The following ANKMY1 variants were observed in gnomAD, a reference collection of about 807,000 sequenced individuals.
The protein encoded by ANKMY1 is ankyrin repeat and MYND domain containing 1, also known as ankyrin repeat and MYND domain-containing protein 1.
A neutral mutation model predicts 102.0 loss-of-function variants in ANKMY1; 98 were observed. That is an observed-to-expected ratio of 0.96 (90% CI 0.82 to 1.14). ANKMY1 has a LOEUF of 1.14. ANKMY1 is among the 50% of genes most tolerant of loss of function. The probability of loss-of-function intolerance (pLI) is 0.00; values close to 1 mark genes in which losing one functional copy is unlikely to be tolerated. For missense variants in ANKMY1, 1,330 were observed against 1,347.6 expected, an observed-to-expected ratio of 0.99 and a Z score of 0.20; for synonymous variants, 582 against 559.9, an observed-to-expected ratio of 1.04 and a Z score of -0.56.
intron 5 of ANKMY1, chr2:240,526,798 T>G: frequency 1.6e-6 from 2 of 1,213,852 alleles, no homozygotes; most frequent in Non-Finnish European, 2.1e-6. Flanking sequence ...GAGACCAACA[T>G]ACATGTGGTT....
intron 4 of ANKMY1, among the ~76,000 whole-genome samples, chr2:240,546,712 T>C (rs1294725419): frequency 2.0e-5 from 3 of 152,196 alleles, no homozygotes; most frequent in African/African-American, 4.8e-5. Context: ...GTTGCAATAC[T>C]AGTCTCTGAT....
At chr2:240,505,948 C>T (rs1575012938) in intron 13 of ANKMY1, among the ~76,000 whole-genome samples, 1 of 152,128 alleles carries the variant, frequency 6.6e-6, no homozygotes, top group Non-Finnish European at 1.5e-5. Flanking sequence ...AAAAAGGAGC[C>T]CTTCCCCTTC....
intron 4 of ANKMY1, among the ~76,000 whole-genome samples, chr2:240,541,885 C>T (rs2088942187): frequency 6.6e-6 from 1 of 152,060 alleles, no homozygotes; most frequent in African/African-American, 2.4e-5. Flanking sequence ...CCCAAGTGCT[C>T]TTTGGGGTCT....
chr2:240,477,302 G>A (rs950995525), downstream of ANKMY1, among the ~76,000 whole-genome samples: 4 of 152,188 alleles, frequency 2.6e-5, no homozygotes, highest in African/African-American at 7.2e-5. Flanking sequence ...GGTAACAAGA[G>A]AGAAACTCTG....
the ANKMY1 span, among the ~76,000 whole-genome samples, chr2:240,473,211 G>T: frequency 1.4e-5 from 2 of 147,136 alleles, no homozygotes; most frequent in Non-Finnish European, 3.0e-5. Context: ...TCTATAAATT[G>T]CCTGACAATT....
At chr2:240,477,240 C>T (rs868720888), downstream of ANKMY1, among the ~76,000 whole-genome samples, 2 of 152,134 alleles carry the variant, frequency 1.3e-5, no homozygotes, top group South Asian at 4.1e-4. Flanking sequence ...CGCTTGAACC[C>T]AGGAGGCAGA....
At chr2:240,471,179 G>A in the ANKMY1 span, among the ~76,000 whole-genome samples, 1 of 151,722 alleles carries the variant, frequency 6.6e-6, no homozygotes. Context: ...AAATACAAAA[G>A]TACCTAGAGG....
At chr2:240,497,929 G>C (rs1253052669) in intron 15 of ANKMY1, among the ~76,000 whole-genome samples, 1 of 152,156 alleles carries the variant, frequency 6.6e-6, no homozygotes, top group Non-Finnish European at 1.5e-5. Context: ...ATGGGTCTTC[G>C]CAACTTGCCT....
the ANKMY1 span, among the ~76,000 whole-genome samples, chr2:240,471,268 T>TG: frequency 1.3e-5 from 2 of 151,052 alleles, no homozygotes; most frequent in Non-Finnish European, 3.0e-5. Flanking sequence ...TTCTTTTTTT[T>TG]TTTTTTTTTG....
At chr2:240,546,989 C>T (rs2090519444) in intron 4 of ANKMY1, among the ~76,000 whole-genome samples, 1 of 152,142 alleles carries the variant, frequency 6.6e-6, no homozygotes, top group African/African-American at 2.4e-5. Context: ...AGGAATTGAA[C>T]TCAGCTCTGC....
At chr2:240,483,371 G>A (rs138352071) in intron 15 of ANKMY1, among the ~76,000 whole-genome samples, 12,377 of 152,114 alleles carry the variant, frequency 0.081, 572 homozygotes, top group Middle Eastern at 0.16. Flanking sequence ...TGGCCAGGCT[G>A]GTCTCAAACC....
the ANKMY1 span, among the ~76,000 whole-genome samples, chr2:240,473,551 CAAG>C: frequency 6.9e-6 from 1 of 145,084 alleles, no homozygotes; most frequent in Non-Finnish European, 1.5e-5. Flanking sequence ...CGGAGACCAA[CAAG>C]AAAATAAATA....
At chr2:240,476,679 G>A (rs916257085), downstream of ANKMY1, among the ~76,000 whole-genome samples, 12 of 152,186 alleles carry the variant, frequency 7.9e-5, no homozygotes, top group African/African-American at 2.9e-4. Context: ...ACTCGATCAC[G>A]CCCATTGTTT....
chr2:240,532,194 T>C (rs1028173853), intron 4 of ANKMY1: 1 of 434,916 alleles, frequency 2.3e-6, no homozygotes, highest in Non-Finnish European at 4.7e-6. Flanking sequence ...ACAGAATATA[T>C]TCAAAAGAGC....
Position 240,547,173 on chromosome 2 carries a change from C to T in ANKMY1, c.480+5741G>A, listed in dbSNP as rs1575331023. ...TATAACAAACTATCCTCTCAGACCA[C>T]AGTGCAATCAAACTAGAACTCAGTA... On this transcript the variant is annotated intron_variant, in intron 4 of 17. Transcript: ENST00000401804. 3.9e-5 allele frequency among the ~76,000 whole-genome samples: 6 copies of T among 152,346 alleles called. No individual in the cohort carries two copies. In the South Asian group the frequency reaches 1.2e-3, roughly 32 times the overall value.
chr2:240,534,427 T>C (rs999495229), intron 4 of ANKMY1, among the ~76,000 whole-genome samples: 3 of 151,010 alleles, frequency 2.0e-5, no homozygotes, highest in Non-Finnish European at 4.4e-5. Flanking sequence ...GGCAACATAG[T>C]GAGAACTCTA....
chr2:240,557,422 C>T, intron 1 of ANKMY1, 70 bp from the exon 2 acceptor site: 1 of 1,399,860 alleles, frequency 7.1e-7, no homozygotes, highest in Non-Finnish European at 9.4e-7. Flanking sequence ...GCGCCCGAGG[C>T]CCGGCCCGCG....
Position 240,520,404 on chromosome 2 carries a change from C to T in ANKMY1, c.1962G>A (p.Leu654=). 6.2e-7 allele frequency: 1 copy of T among 1,600,140 alleles called. No homozygotes were observed. The highest frequency in any genetic ancestry group is 1.1e-5 in the South Asian group (1 of 89,166). ...TGTCGGTCCTCGCCCCGTGCTCCAG[C>T]AGCAGCCTCACCCCATCCACGTCCC... is the stretch of plus-strand genomic sequence containing the variant. The part of the protein sequence containing the change: ...KAGDVDGVRL[L]LEHGARTDIC... Residue 654 remains leucine (L), a synonymous_variant, in exon 9 of 18, where the codon CTG becomes CTA. Coordinates refer to ENST00000401804, the MANE Select transcript of ANKMY1 (RefSeq NM_001282771.3). The surrounding 1 kb of genome is among the most constrained non-coding windows in gnomAD (Gnocchi z 4.8).
chr2:240,529,818 A>G lies in ANKMY1; in HGVS notation c.481-309T>C, dbSNP rs58740825. Among the ~76,000 whole-genome samples, 98,346 of 151,900 alleles carry G rather than the reference A, an allele frequency of 0.65. 32,343 individuals carry two copies. Among genetic ancestry groups the G allele is most frequent in the South Asian group, 0.83 (4,007 of 4,820 alleles). ...CTCATGGTGAAAGCGTGTCAGAGGT[A>G]CCAGGTCTGGGTTCAATTAGGGAAC... is the stretch of plus-strand genomic sequence containing the variant. On this transcript the variant is annotated intron_variant, in intron 4 of 17. Coordinates refer to ENST00000401804, the MANE Select transcript of ANKMY1 (RefSeq NM_001282771.3). The surrounding 1 kb of genome is among the most constrained non-coding windows in gnomAD (Gnocchi z 4.2).
Sources: gnomAD v4.1 joint callset for allele counts (sites outside exome capture counted in the v4.1 genomes callset) on GRCh38, gnomAD v4.1.1 for gene constraint, Gnocchi (gnomAD v3.1) non-coding constraint, MANE v1.5 for transcripts, NCBI Gene and HGNC (gene_info 2026-07-23, HGNC 2026-07-21) for gene names.